SNCB: variants seen among roughly 807,000 people sequenced by gnomAD.
SNCB encodes the protein beta-synuclein.
A neutral mutation model predicts 20.0 loss-of-function variants in SNCB; 8 were observed. The ratio of observed to expected loss-of-function variants is 0.40; its 90% CI spans 0.24 to 0.72. SNCB has a LOEUF of 0.72. Among genes scored for constraint, SNCB ranks in the 30% least tolerant of loss-of-function variants. The pLI, the probability that SNCB is intolerant of heterozygous loss-of-function variation, is 0.37. For synonymous variants in SNCB, 56 were observed against 65.4 expected, an observed-to-expected ratio of 0.86 and a Z score of 0.69; for missense variants, 125 against 168.0, an observed-to-expected ratio of 0.74 and a Z score of 1.41.
In SNCB at chr5:176,626,837, C is replaced by G. The variant is rs930387874; in HGVS notation, c.122-76G>C. On this transcript the variant is annotated intron_variant, in intron 2 of 5. Transcript: ENST00000393693. This position sits in a 1 kb window ranked among gnomAD's most constrained non-coding sequence, Gnocchi z 4.2. ...AAACTCCAGCACAGCATGGTGATTA[C>G]AGAGTGGGCATCCTGGCCCCGTCAC... 4.6e-6 allele frequency: 7 copies of G among 1,515,526 alleles called. No individual in the cohort carries two copies. The highest frequency in any genetic ancestry group is 6.4e-6 in the Non-Finnish European group (7 of 1,090,740). 93.9% of individuals were successfully genotyped at this position (1,515,526 alleles called of 1,614,324 possible). A position where few individuals can be genotyped will look rare whatever the true frequency, so the allele number is the denominator to read the frequency against.
Position 176,621,213 on chromosome 5 carries a change from C to A in SNCB, c.372+1G>T. The A allele has an allele frequency of 6.2e-7, 1 of 1,610,958 alleles. No homozygotes were observed. The highest frequency in any genetic ancestry group is 8.5e-7 in the Non-Finnish European group (1 of 1,177,986). ...CCCGCCCAGCCCTGCTGCCCCCTCA[C>A]CTGGGGTGGGTCCTCATAACTCTCC... On this transcript the variant is annotated splice_donor_variant, in intron 5 of 5. Coordinates refer to ENST00000393693, the MANE Select transcript of SNCB (RefSeq NM_003085.5). LOFTEE classifies it high-confidence loss of function. This position sits in a 1 kb window ranked among gnomAD's most constrained non-coding sequence, Gnocchi z 4.1.
At chr5:176,622,641 A>G (rs923634169) in intron 4 of SNCB, among the ~76,000 whole-genome samples, 1 of 152,132 alleles carries the variant, frequency 6.6e-6, no homozygotes, top group African/African-American at 2.4e-5. Flanking sequence ...GAAGAACAAC[A>G]ATGCATACAA....
At chr5:176,622,796 G>A (rs12514840) in intron 4 of SNCB, among the ~76,000 whole-genome samples, 142,598 of 147,438 alleles carry the variant, frequency 0.97, 69,145 homozygotes, top group East Asian at 1. Flanking sequence ...GTGCGCAGTG[G>A]TGTGATCTCG....
Position 176,626,633 on chromosome 5 carries a change from G to A in SNCB, c.163+87C>T. 6.4e-7 allele frequency: 1 copy of A among 1,550,760 alleles called. No homozygotes were observed. Among genetic ancestry groups the A allele is most frequent in the South Asian group, 1.1e-5 (1 of 89,806 alleles). ...ACGGAGCATTCCCGCAGAAGCCTTG[G>A]GAGTCTCCCCCGCCCCCGCCCTCTG... On this transcript the variant is annotated intron_variant, in intron 3 of 5. Coordinates refer to ENST00000393693, the MANE Select transcript of SNCB (RefSeq NM_003085.5). This position sits in a 1 kb window ranked among gnomAD's most constrained non-coding sequence, Gnocchi z 4.2.
chr5:176,622,146 G>A (rs1759642012), intron 4 of SNCB, among the ~76,000 whole-genome samples: 1 of 152,238 alleles, frequency 6.6e-6, no homozygotes, highest in Non-Finnish European at 1.5e-5. Flanking sequence ...TCCAGGCAGC[G>A]TCAGCTCCTT....
intron 4 of SNCB, among the ~76,000 whole-genome samples, chr5:176,625,695 TGCACAGATCACACCCACCCCA>T (rs1759897501): frequency 6.6e-6 from 1 of 152,140 alleles, no homozygotes; most frequent in South Asian, 2.1e-4. Flanking sequence ...GAAACACAAC[TGCACAGATCACACCCACCCCA>T]GCACAGCTCC....
chr5:176,626,912 C>A lies in SNCB; in HGVS notation c.122-151G>T. 1.2e-6 allele frequency: 1 copy of A among 806,856 alleles called. No homozygotes were observed. The highest frequency in any genetic ancestry group is 1.4e-5 in the South Asian group (1 of 71,492). The allele number at this position is 806,856 out of a possible 1,614,324, so 50.0% of individuals were successfully genotyped here. A position where few individuals can be genotyped will look rare whatever the true frequency, so the allele number is the denominator to read the frequency against. ...ACAACCTGCACCCCCATGTTAACCC[C>A]CGTCTTATCACTGCACTGGGCCCCA... On this transcript the variant is annotated intron_variant, in intron 2 of 5. Transcript: ENST00000393693. The surrounding 1 kb of genome is among the most constrained non-coding windows in gnomAD (Gnocchi z 4.2).
rs1232832520 is a variant in SNCB, at chr5:176,629,487, G to C, written c.121+47C>G. On this transcript the variant is annotated intron_variant, in intron 2 of 5. Transcript: ENST00000393693. The surrounding 1 kb of genome is among the most constrained non-coding windows in gnomAD (Gnocchi z 4.1). ...GACCCGGCCCCAGCTCCACACTGTC[G>C]GGGGACCCCCAGCCCTGCAGCCCCA... is the stretch of plus-strand genomic sequence containing the variant. 6.3e-7 allele frequency: 1 copy of C among 1,599,682 alleles called. No homozygotes were observed. The highest frequency in any genetic ancestry group is 2.3e-5 in the East Asian group (1 of 44,222).
chr5:176,620,666 C>T lies in SNCB; in HGVS notation c.*145G>A. The T allele has an allele frequency of 4.1e-6, 3 of 734,492 alleles. No homozygotes were observed. The Admixed American group carries it at 5.4e-5, about 13-fold the overall frequency. The allele number at this position is 734,492 out of a possible 1,614,324, so 45.5% of individuals were successfully genotyped here. The stretch of plus-strand genomic sequence containing the variant: ...GGTAGGACAGACAGATGGACAGACA[C>T]TAACACAGGCTCCGAGGGGGTTGCC... On this transcript the variant is annotated 3_prime_UTR_variant, in exon 6 of 6. Transcript: ENST00000393693. This position sits in a 1 kb window ranked among gnomAD's most constrained non-coding sequence, Gnocchi z 4.5.
rs1020433302 is a variant in SNCB, at chr5:176,620,428, CG to C, written c.*382del. 1.2e-4 allele frequency: 33 copies of C among 280,032 alleles called. No individual in the cohort carries two copies. The highest frequency in any genetic ancestry group is 6.8e-4 in the African/African-American group (31 of 45,410). The allele number at this position is 280,032 out of a possible 1,614,324, so 17.3% of individuals were successfully genotyped here. A position where few individuals can be genotyped will look rare whatever the true frequency, so the allele number is the denominator to read the frequency against. Reference sequence around the variant, plus strand: ...AAAGGTTCTCGAGGTTAATGGGAGTCGGGCGGGGTGCTCTGGGGCTGCCCGG... The same window carrying C: ...AAAGGTTCTCGAGGTTAATGGGAGTCGGCGGGGTGCTCTGGGGCTGCCCGG... On this transcript the variant is annotated 3_prime_UTR_variant, in exon 6 of 6. Coordinates refer to ENST00000393693, the MANE Select transcript of SNCB (RefSeq NM_003085.5). This position sits in a 1 kb window ranked among gnomAD's most constrained non-coding sequence, Gnocchi z 4.5.
In SNCB at chr5:176,629,660, C is replaced by T. The variant is rs200888667; in HGVS notation, c.-6G>A. ...CCCTTCATGAACACGTCCATCCTGG[C>T]GGCCTGGGGAGGGCGATACACGGGC... On this transcript the variant is annotated 5_prime_UTR_variant, in exon 2 of 6. Transcript: ENST00000393693. This position sits in a 1 kb window ranked among gnomAD's most constrained non-coding sequence, Gnocchi z 4.1. 6.2e-7 allele frequency: 1 copy of T among 1,612,968 alleles called. No homozygotes were observed. Among genetic ancestry groups the T allele is most frequent in the Non-Finnish European group, 8.5e-7 (1 of 1,179,408 alleles).
rs866325247 is a variant in SNCB at position 176,621,453 on chromosome 5, G to A, written c.283-150C>T. ...TCTAATTCAGTTATTTATTTGGAGT[G>A]CCTTGGAAGTGGGATGGAGGTGAAG... is the stretch of plus-strand genomic sequence containing the variant. On this transcript the variant is annotated intron_variant, in intron 4 of 5. Coordinates refer to ENST00000393693, the MANE Select transcript of SNCB (RefSeq NM_003085.5). The surrounding 1 kb of genome is among the most constrained non-coding windows in gnomAD (Gnocchi z 4.1). 129 of 713,632 alleles carry A rather than the reference G, an allele frequency of 1.8e-4. 3 individuals carry two copies. The South Asian group carries it at 1.9e-3, about 10-fold the overall frequency. The allele number at this position is 713,632 out of a possible 1,614,324, so 44.2% of individuals were successfully genotyped here. A position where few individuals can be genotyped will look rare whatever the true frequency, so the allele number is the denominator to read the frequency against.
rs1760241413 is a variant in SNCB at position 176,629,759 on chromosome 5, GC to G, written c.-9-97del. 7 of 1,484,934 alleles carry G rather than the reference GC, an allele frequency of 4.7e-6. No homozygotes were observed. Among genetic ancestry groups the G allele is most frequent in the Non-Finnish European group, 6.3e-6 (7 of 1,106,016 alleles). 92.0% of individuals were successfully genotyped at this position (1,484,934 alleles called of 1,614,324 possible). A position where few individuals can be genotyped will look rare whatever the true frequency, so the allele number is the denominator to read the frequency against. ...CAGATGCCCCCCTACTCCCGAGACC[GC>G]GGCGCCCTTCTGGACCCTGAGCCCC... On this transcript the variant is annotated intron_variant, in intron 1 of 5. Transcript: ENST00000393693. The surrounding 1 kb of genome is among the most constrained non-coding windows in gnomAD (Gnocchi z 4.1).
intron 2 of SNCB, among the ~76,000 whole-genome samples, chr5:176,628,128 G>A (rs1293635853): frequency 6.6e-6 from 1 of 152,172 alleles, no homozygotes; most frequent in African/African-American, 2.4e-5. Flanking sequence ...ACAGGGAGCC[G>A]AGGCTTTAAC....
rs2113423182 is a variant in SNCB at position 176,629,852 on chromosome 5, C to A, written c.-9-189G>T. 1 of 749,458 alleles carries A rather than the reference C, an allele frequency of 1.3e-6. No individual in the cohort carries two copies. Among genetic ancestry groups the A allele is most frequent in the East Asian group, 3.1e-5 (1 of 32,066 alleles). 46.4% of individuals were successfully genotyped at this position (749,458 alleles called of 1,614,324 possible). A position where few individuals can be genotyped will look rare whatever the true frequency, so the allele number is the denominator to read the frequency against. ...GCCTCAGGGCCGCGGAGAGTCCTAG[C>A]GTCCTTGAAACCTGGGGACGCGGGA... is the stretch of plus-strand genomic sequence containing the variant. On this transcript the variant is annotated intron_variant, in intron 1 of 5. Transcript: ENST00000393693. This position sits in a 1 kb window ranked among gnomAD's most constrained non-coding sequence, Gnocchi z 4.1.
At chr5:176,624,059 G>C (rs1428894737) in intron 4 of SNCB, among the ~76,000 whole-genome samples, 1 of 152,240 alleles carries the variant, frequency 6.6e-6, no homozygotes, top group Non-Finnish European at 1.5e-5. Flanking sequence ...GCTGTTGTCT[G>C]TGTTATAACT....
rs544205327 is a variant in SNCB, at chr5:176,626,766, A to C, written c.122-5T>G. On this transcript the variant is annotated splice_region_variant and splice_polypyrimidine_tract_variant and intron_variant, in intron 2 of 5. Coordinates refer to ENST00000393693, the MANE Select transcript of SNCB (RefSeq NM_003085.5). The surrounding 1 kb of genome is among the most constrained non-coding windows in gnomAD (Gnocchi z 4.2). ...CACCTTCTCGGGTCTTGCTTCCTGC[A>C]GGGAGAAAAAGCGGCACATTTAAGG... is the stretch of plus-strand genomic sequence containing the variant. 8 of 1,614,010 alleles carry C rather than the reference A, an allele frequency of 5.0e-6. No homozygotes were observed. In the East Asian group the frequency reaches 1.8e-4, roughly 36 times the overall value.
In SNCB at chr5:176,620,825, CATACTCCTG is replaced by C; in HGVS notation, c.382_390del (p.Gln128_Tyr130del). On this transcript the variant is annotated inframe_deletion, in exon 6 of 6. Coordinates refer to ENST00000393693, the MANE Select transcript of SNCB (RefSeq NM_003085.5). This position sits in a 1 kb window ranked among gnomAD's most constrained non-coding sequence, Gnocchi z 4.5. ...CTCCTGGGCCCCTACGCCTCTGGCT[CATACTCCTG>C]ATATTCCTCCTGCATCACCGGGATG... 1 of 1,613,922 alleles carries C rather than the reference CATACTCCTG, an allele frequency of 6.2e-7. No homozygotes were observed. Among genetic ancestry groups the C allele is most frequent in the African/African-American group, 1.3e-5 (1 of 75,004 alleles).
chr5:176,623,939 G>A (rs1759769632), intron 4 of SNCB, among the ~76,000 whole-genome samples: 1 of 152,156 alleles, frequency 6.6e-6, no homozygotes, highest in Non-Finnish European at 1.5e-5. Context: ...GGGAAACGAG[G>A]CTGGTGAGGA....
Sources: gnomAD v4.1 joint callset for allele counts (sites outside exome capture counted in the v4.1 genomes callset) on GRCh38, gnomAD v4.1.1 for gene constraint, Gnocchi (gnomAD v3.1) non-coding constraint, MANE v1.5 for transcripts, NCBI Gene and HGNC (gene_info 2026-07-23, HGNC 2026-07-21) for gene names.